CEP192: variants seen among roughly 807,000 people sequenced by gnomAD.
CEP192 encodes the protein centrosomal protein 192, also known as centrosomal protein of 192 kDa.
In CEP192, 151 loss-of-function variants were observed where a neutral mutation model predicts 271.8. The observed-to-expected ratio is 0.56, with a 90% CI of 0.49 to 0.64. The LOEUF is 0.64. Ranked by LOEUF, CEP192 falls within the 30% of genes least tolerant of loss-of-function variation. The probability of loss-of-function intolerance (pLI) is 0.00; values close to 1 mark genes in which losing one functional copy is unlikely to be tolerated. For synonymous variants in CEP192, 995 were observed against 1,076.5 expected (o/e 0.92, Z 1.48); for missense variants, 2,910 against 3,020.5 (o/e 0.96, Z 0.86).
intron 21 of CEP192, among the ~76,000 whole-genome samples, chr18:13,064,556 G>C (rs952896664): frequency 6.6e-6 from 1 of 150,396 alleles, no homozygotes. Context: ...AGCTTGCAGT[G>C]AGCCGAGATT....
chr18:13,032,901 G>T (rs921498952), intron 11 of CEP192, among the ~76,000 whole-genome samples: 1 of 152,196 alleles, frequency 6.6e-6, no homozygotes, highest in Non-Finnish European at 1.5e-5. Flanking sequence ...GGAACATGTG[G>T]AATGACGTAA....
At chr18:13,042,000 C>T (rs536216746) in intron 14 of CEP192, among the ~76,000 whole-genome samples, 1 of 152,338 alleles carries the variant, frequency 6.6e-6, no homozygotes, top group South Asian at 2.1e-4. Context: ...AGTTTGGACT[C>T]TGCAGCATTG....
intron 11 of CEP192, among the ~76,000 whole-genome samples, chr18:13,036,899 G>A (rs1198135026): frequency 6.6e-6 from 1 of 152,238 alleles, no homozygotes; most frequent in East Asian, 1.9e-4. Flanking sequence ...GACTCCTGAT[G>A]AAATTCCACC....
chr18:13,029,589 T>C (rs1186171981), intron 9 of CEP192, 74 bp from the exon 10 acceptor site: 1 of 930,804 alleles, frequency 1.1e-6, no homozygotes, highest in Non-Finnish European at 1.6e-6. Flanking sequence ...ATTTTTCCCA[T>C]AAATTTTAAA....
At chr18:13,042,152 T>C (rs2036241916) in intron 14 of CEP192, 52 bp from the exon 15 acceptor site, 1 of 1,476,676 alleles carries the variant, frequency 6.8e-7, no homozygotes, top group Non-Finnish European at 9.3e-7. Context: ...CCACAGACTG[T>C]GTTTGTCAAA....
intron 38 of CEP192, among the ~76,000 whole-genome samples, chr18:13,101,334 G>C (rs2039694940): frequency 6.6e-6 from 1 of 152,192 alleles, no homozygotes; most frequent in African/African-American, 2.4e-5. Flanking sequence ...GCTCGGCTTA[G>C]GGTAGGTTAG....
chr18:13,026,181 C>T (rs561851948), intron 9 of CEP192, among the ~76,000 whole-genome samples: 4 of 152,172 alleles, frequency 2.6e-5, no homozygotes, highest in Non-Finnish European at 5.9e-5. Context: ...TAGTTTACTT[C>T]ACTGCCTTCT....
intron 21 of CEP192, among the ~76,000 whole-genome samples, chr18:13,060,479 C>A (rs1598479394): frequency 6.6e-6 from 1 of 152,092 alleles, no homozygotes; most frequent in African/African-American, 2.4e-5. Flanking sequence ...ACACCAAATT[C>A]ATAAAAGAAA....
intron 4 of CEP192, 51 bp downstream of exon 4, chr18:13,008,682 T>C: frequency 7.1e-7 from 1 of 1,400,106 alleles, no homozygotes; most frequent in East Asian, 2.5e-5. Flanking sequence ...TAATTTCCTT[T>C]TTCATTTCCT....
At chr18:13,070,048 C>A (rs2144415111) in intron 27 of CEP192, among the ~76,000 whole-genome samples, 192 bp downstream of exon 27, 1 of 152,184 alleles carries the variant, frequency 6.6e-6, no homozygotes, top group African/African-American at 2.4e-5. Flanking sequence ...GTAGTTTCAG[C>A]TACTCAGGAG....
intron 44 of CEP192, 130 bp from the exon 45 acceptor site, chr18:13,124,502 A>G (rs747856235): frequency 1.6e-4 from 115 of 739,388 alleles, no homozygotes; most frequent in Non-Finnish European, 2.2e-4. Flanking sequence ...AAGAAATCAT[A>G]AATACATTTA....
intron 40 of CEP192, among the ~76,000 whole-genome samples, chr18:13,107,648 A>T (rs573646439): frequency 2.0e-4 from 30 of 152,346 alleles, no homozygotes; most frequent in Non-Finnish European, 4.0e-4. Flanking sequence ...TCTTCAGCAT[A>T]TGCCCAAGGT....
intron 1 of CEP192, among the ~76,000 whole-genome samples, chr18:12,996,328 C>T (rs1308110830): frequency 6.6e-6 from 1 of 151,976 alleles, no homozygotes; most frequent in Admixed American, 6.6e-5. Context: ...GAGATGACTA[C>T]GGTTTTTGGC....
intron 17 of CEP192, among the ~76,000 whole-genome samples, chr18:13,051,187 C>G (rs1039466201): frequency 1.3e-5 from 2 of 152,096 alleles, no homozygotes; most frequent in Admixed American, 1.3e-4. Context: ...ATACAGTATA[C>G]CCTTTCGGTA....
intron 30 of CEP192, among the ~76,000 whole-genome samples, chr18:13,086,681 A>G (rs894639897): frequency 6.6e-6 from 1 of 152,112 alleles, no homozygotes; most frequent in African/African-American, 2.4e-5. Context: ...AAAGTAAATT[A>G]AAAATATGTG....
chr18:13,078,816 G>C (rs1026539536), intron 30 of CEP192, among the ~76,000 whole-genome samples: 7 of 152,118 alleles, frequency 4.6e-5, no homozygotes, highest in Admixed American at 4.6e-4. Flanking sequence ...CCCCATGTGT[G>C]TGATGTTTCC....
chr18:13,054,680 A>C (rs1164963637), intron 18 of CEP192, among the ~76,000 whole-genome samples: 2 of 152,238 alleles, frequency 1.3e-5, no homozygotes, highest in Non-Finnish European at 2.9e-5. Context: ...GTAAGTCACC[A>C]CTGGATACAT....
At chr18:13,110,431 AT>A (rs58685532) in intron 40 of CEP192, among the ~76,000 whole-genome samples, 27,231 of 145,966 alleles carry the variant, frequency 0.19, 2,794 homozygotes, top group East Asian at 0.31. Flanking sequence ...TAATCAATTG[AT>A]TTTTTTTTTT....
At chr18:13,007,007 C>A (rs1025726155) in intron 3 of CEP192, among the ~76,000 whole-genome samples, 1 of 152,122 alleles carries the variant, frequency 6.6e-6, no homozygotes, top group Non-Finnish European at 1.5e-5. Flanking sequence ...TCCCCACTCT[C>A]CTGCCCTCCC....
Sources: gnomAD v4.1 joint callset for allele counts (sites outside exome capture counted in the v4.1 genomes callset) on GRCh38, gnomAD v4.1.1 for gene constraint, MANE v1.5 for transcripts, NCBI Gene and HGNC (gene_info 2026-07-23, HGNC 2026-07-21) for gene names.